The following PLEKHG4B variants were observed in gnomAD, a reference collection of about 807,000 sequenced individuals.
PLEKHG4B encodes the protein pleckstrin homology and RhoGEF domain containing G4B, also known as pleckstrin homology domain-containing family G member 4B.
PLEKHG4B carries 111 observed loss-of-function variants against 121.3 expected under a neutral mutation model. The observed-to-expected ratio is 0.92, with a 90% CI of 0.78 to 1.07. The LOEUF (loss-of-function observed/expected upper bound fraction) is 1.07, where lower values mean the gene tolerates loss of function less well. Ranked by LOEUF, PLEKHG4B falls within the 50% of genes least tolerant of loss-of-function variation. The pLI is 0.00. For synonymous variants in PLEKHG4B, 738 were observed against 725.0 expected, an observed-to-expected ratio of 1.02 and a Z score of -0.29; for missense variants, 1,831 against 1,757.8, an observed-to-expected ratio of 1.04 and a Z score of -0.74.
chr5:131,295 A>G (rs9312771), intron 2 of PLEKHG4B, among the ~76,000 whole-genome samples: 27,691 of 151,890 alleles, frequency 0.18, 3,412 homozygotes, highest in African/African-American at 0.35. Flanking sequence ...GGTGTGTGAT[A>G]TTCTCCGCCC....
intron 1 of PLEKHG4B, among the ~76,000 whole-genome samples, chr5:108,439 T>C (rs1162806933): frequency 7.2e-5 from 11 of 152,126 alleles, no homozygotes. Context: ...CACAGAAGCC[T>C]GAGTGGAAAG....
At chr5:125,099 C>G (rs1223142943) in intron 2 of PLEKHG4B, among the ~76,000 whole-genome samples, 3 of 152,196 alleles carry the variant, frequency 2.0e-5, no homozygotes, top group African/African-American at 7.2e-5. Flanking sequence ...CACCACTCAA[C>G]TCCAGCCTGA....
intron 9 of PLEKHG4B, 128 bp from the exon 10 acceptor site, chr5:155,943 G>T: frequency 1.1e-6 from 1 of 945,916 alleles, no homozygotes. Context: ...TTGAGGAGTG[G>T]GCACTGTCAT....
intron 2 of PLEKHG4B, among the ~76,000 whole-genome samples, chr5:123,998 A>T (rs80294689): frequency 6.6e-6 from 1 of 152,054 alleles, no homozygotes; most frequent in African/African-American, 2.4e-5. Context: ...TATAGCTATA[A>T]ATTTCCCCCT....
chr5:172,847 A>C, intron 16 of PLEKHG4B, 50 bp from the exon 17 acceptor site: 1 of 1,604,504 alleles, frequency 6.2e-7, no homozygotes, highest in South Asian at 1.1e-5. Flanking sequence ...CTGTGCCACC[A>C]CAGACGCCGG....
Position 140,066 on chromosome 5 carries a change from GC to G in PLEKHG4B, c.831del (p.Arg278GlyfsTer104). On this transcript the variant is annotated frameshift_variant, in exon 3 of 20. Transcript: ENST00000637938. LOFTEE classifies it high-confidence loss of function. Reference protein sequence around the residue: ...LPYPERAELGSPRTLSGSSDR... With the variant: ...LPYPERAELGXPRTLSGSSDR... ...TATCCAGAAAGAGCCGAGCTGGGAA[GC>G]CCCAGGACCCTGTCTGGAAGCTCAG... The G allele has an allele frequency of 2.3e-6, 1 of 443,416 alleles. No individual in the cohort carries two copies. Among genetic ancestry groups the G allele is most frequent in the Non-Finnish European group, 4.0e-6 (1 of 252,968 alleles). The allele number at this position is 443,416 out of a possible 1,614,324, so 27.5% of individuals were successfully genotyped here. A position where few individuals can be genotyped will look rare whatever the true frequency, so the allele number is the denominator to read the frequency against.
intron 1 of PLEKHG4B, among the ~76,000 whole-genome samples, chr5:108,244 T>C (rs1163628196): frequency 2.0e-5 from 3 of 152,246 alleles, no homozygotes; most frequent in Non-Finnish European, 4.4e-5. Flanking sequence ...ATGTGGCTTT[T>C]GGTGATTGCT....
chr5:175,922 ACACGACCAGGGC>A, intron 18 of PLEKHG4B, among the ~76,000 whole-genome samples: 2 of 64,554 alleles, frequency 3.1e-5, no homozygotes, highest in Admixed American at 1.3e-4. Context: ...CTCCAGGCAG[ACACGACCAGGGC>A]TCCTGCACGG....
At chr5:122,375 C>CTTCA (rs762549489) in intron 2 of PLEKHG4B, among the ~76,000 whole-genome samples, 3 of 151,922 alleles carry the variant, frequency 2.0e-5, no homozygotes, top group Non-Finnish European at 2.9e-5. Context: ...AGCAACTGAA[C>CTTCA]GTTCGTTGTA....
intron 2 of PLEKHG4B, among the ~76,000 whole-genome samples, chr5:132,069 G>T (rs1279053397): frequency 1.3e-5 from 2 of 152,072 alleles, no homozygotes; most frequent in Admixed American, 6.6e-5. Context: ...TGTCCTCGGT[G>T]GGAGACTGAA....
At chr5:158,803 C>G (rs1049522778) in intron 11 of PLEKHG4B, among the ~76,000 whole-genome samples, 1 of 151,814 alleles carries the variant, frequency 6.6e-6, no homozygotes, top group Non-Finnish European at 1.5e-5. Context: ...CTCCATCTCC[C>G]TCCCCACTCT....
chr5:122,452 C>G (rs1007725113), intron 2 of PLEKHG4B, among the ~76,000 whole-genome samples: 1 of 151,782 alleles, frequency 6.6e-6, no homozygotes, highest in African/African-American at 2.4e-5. Flanking sequence ...TGGAGTCTTG[C>G]ACTGTCTCCT....
intron 1 of PLEKHG4B, among the ~76,000 whole-genome samples, chr5:95,651 G>T (rs1244952791): frequency 6.6e-6 from 1 of 152,204 alleles, no homozygotes; most frequent in African/African-American, 2.4e-5. Context: ...GGCAGAGCCT[G>T]CCCTGTGGGA....
In PLEKHG4B at chr5:185,426, A is replaced by G. The variant is rs1408875131; in HGVS notation, c.*3103A>G. 1 of 152,208 alleles carries G rather than the reference A, an allele frequency of 6.6e-6. No homozygotes were observed. The highest frequency in any genetic ancestry group is 2.4e-5 in the African/African-American group (1 of 41,450). The allele number at this position is 152,208 out of a possible 1,614,324, so 9.4% of individuals were successfully genotyped here. ...TTTAAAGTACAATCATGCACACAGC[A>G]CTTCCCCTGGGAGGCAGGGGCTGTG... On this transcript the variant is annotated 3_prime_UTR_variant, in exon 20 of 20. Transcript: ENST00000637938.
intron 11 of PLEKHG4B, among the ~76,000 whole-genome samples, chr5:161,241 C>T (rs1395684943): frequency 1.3e-5 from 2 of 152,248 alleles, no homozygotes; most frequent in Non-Finnish European, 2.9e-5. Flanking sequence ...CCCCATCTTT[C>T]CCAGGCAGCC....
rs1735792864 is a variant in PLEKHG4B at position 156,701 on chromosome 5, A to G, written c.2349-72A>G. On this transcript the variant is annotated intron_variant, in intron 10 of 19. Transcript: ENST00000637938. This position sits in a 1 kb window ranked among gnomAD's most constrained non-coding sequence, Gnocchi z 4.4. ...GGAATGGAAAGAGCAGGGTTTTTAT[A>G]TGGGGTTGTCACCAAGAGCAGATTC... 11 of 1,486,630 alleles carry G rather than the reference A, an allele frequency of 7.4e-6. No individual in the cohort carries two copies. Among genetic ancestry groups the G allele is most frequent in the Non-Finnish European group, 9.9e-6 (11 of 1,112,456 alleles). The allele number at this position is 1,486,630 out of a possible 1,614,324, so 92.1% of individuals were successfully genotyped here.
intron 1 of PLEKHG4B, among the ~76,000 whole-genome samples, chr5:102,018 C>T: frequency 1.1e-5 from 1 of 88,608 alleles, no homozygotes. Flanking sequence ...GAGGTTAATC[C>T]ATATAAAGCC....
chr5:117,295 C>T (rs527254194), intron 2 of PLEKHG4B, among the ~76,000 whole-genome samples: 103 of 152,116 alleles, frequency 6.8e-4, no homozygotes, highest in African/African-American at 2.5e-3. Flanking sequence ...TGAATATAAA[C>T]AGTTGATATA....
intron 13 of PLEKHG4B, among the ~76,000 whole-genome samples, chr5:168,528 A>G (rs1736426790): frequency 6.6e-6 from 1 of 152,094 alleles, no homozygotes; most frequent in South Asian, 2.1e-4. Context: ...AATTTCCACC[A>G]CAGCCTTCCT....
Sources: gnomAD v4.1 joint callset for allele counts (sites outside exome capture counted in the v4.1 genomes callset) on GRCh38, gnomAD v4.1.1 for gene constraint, Gnocchi (gnomAD v3.1) non-coding constraint, MANE v1.5 for transcripts, NCBI Gene and HGNC (gene_info 2026-07-23, HGNC 2026-07-21) for gene names.